The following CNTNAP2 variants were observed in gnomAD, a reference collection of about 807,000 sequenced individuals.
CNTNAP2 encodes contactin associated protein 2.
CNTNAP2 carries 98 observed loss-of-function variants against 155.2 expected under a neutral mutation model. The ratio of observed to expected loss-of-function variants is 0.63; its 90% CI spans 0.54 to 0.75. CNTNAP2 has a LOEUF of 0.75. CNTNAP2 is among the 30% of genes least tolerant of loss of function. CNTNAP2 has a pLI of 0.00. For missense variants in CNTNAP2, 1,727 were observed against 1,688.1 expected, an observed-to-expected ratio of 1.02 and a Z score of -0.40; for synonymous variants, 651 against 631.2, an observed-to-expected ratio of 1.03 and a Z score of -0.47.
chr7:147,294,661 T>G (rs548432047), intron 8 of CNTNAP2, among the ~76,000 whole-genome samples: 1 of 149,370 alleles, frequency 6.7e-6, no homozygotes, highest in East Asian at 2.0e-4. Flanking sequence ...CAAAGACAAT[T>G]TTTTTTTTTG....
At chr7:147,910,939 T>C (rs898680662) in intron 14 of CNTNAP2, among the ~76,000 whole-genome samples, 1 of 152,178 alleles carries the variant, frequency 6.6e-6, no homozygotes, top group Non-Finnish European at 1.5e-5. Flanking sequence ...TCATTTTTTT[T>C]CCAATTTTTA....
chr7:147,913,097 C>T (rs539473224), intron 14 of CNTNAP2, among the ~76,000 whole-genome samples: 1 of 152,166 alleles, frequency 6.6e-6, no homozygotes, highest in East Asian at 1.9e-4. Flanking sequence ...TCAGCAAGCT[C>T]CTCCTTCTAT....
chr7:146,938,374 A>G (rs929996709), intron 3 of CNTNAP2, among the ~76,000 whole-genome samples: 9 of 126,780 alleles, frequency 7.1e-5, no homozygotes, highest in Admixed American at 6.6e-4. Flanking sequence ...ATAATATATA[A>G]GTAGTAGAAG....
At chr7:147,281,875 C>G (rs1445885694) in intron 8 of CNTNAP2, among the ~76,000 whole-genome samples, 1 of 151,714 alleles carries the variant, frequency 6.6e-6, no homozygotes, top group African/African-American at 2.4e-5. Flanking sequence ...GAGACCCTTC[C>G]CTTGACTATG....
chr7:146,974,992 A>G (rs535300092), intron 3 of CNTNAP2, among the ~76,000 whole-genome samples: 31 of 152,258 alleles, frequency 2.0e-4, no homozygotes, highest in African/African-American at 7.0e-4. Context: ...ACAAAGCAAA[A>G]CAAGAATAGA....
intron 12 of CNTNAP2, among the ~76,000 whole-genome samples, chr7:147,583,894 G>A (rs985598554): frequency 6.6e-6 from 1 of 152,004 alleles, no homozygotes; most frequent in Non-Finnish European, 1.5e-5. Flanking sequence ...TGGCCAAGCC[G>A]AGACGGTGGC....
At chr7:146,750,215 T>G (rs1389101425) in intron 1 of CNTNAP2, among the ~76,000 whole-genome samples, 3 of 152,130 alleles carry the variant, frequency 2.0e-5, no homozygotes, top group Non-Finnish European at 4.4e-5. Flanking sequence ...TATTGCTTGA[T>G]CATACAGATT....
At chr7:147,427,034 C>T (rs923484881) in intron 10 of CNTNAP2, among the ~76,000 whole-genome samples, 1 of 151,990 alleles carries the variant, frequency 6.6e-6, no homozygotes, top group African/African-American at 2.4e-5. Context: ...GATGGGAAGT[C>T]CAAAATCGAG....
At chr7:146,477,242 G>T (rs1322458887) in intron 1 of CNTNAP2, among the ~76,000 whole-genome samples, 1 of 152,142 alleles carries the variant, frequency 6.6e-6, no homozygotes, top group Non-Finnish European at 1.5e-5. Flanking sequence ...AAGGACCTCA[G>T]TTGGCACTGT....
intron 14 of CNTNAP2, among the ~76,000 whole-genome samples, chr7:147,948,970 G>A (rs1800871482): frequency 1.3e-5 from 2 of 152,056 alleles, no homozygotes; most frequent in South Asian, 4.1e-4. Flanking sequence ...GGGAGGCTGA[G>A]GCGGGTGGAT....
intron 3 of CNTNAP2, among the ~76,000 whole-genome samples, chr7:146,881,596 G>A (rs927086736): frequency 1.3e-5 from 2 of 151,762 alleles, no homozygotes; most frequent in African/African-American, 2.4e-5. Context: ...AAAAATGGAT[G>A]TTTTCTGAAA....
chr7:147,857,473 A>T (rs944317089), intron 13 of CNTNAP2, among the ~76,000 whole-genome samples: 1 of 152,250 alleles, frequency 6.6e-6, no homozygotes, highest in African/African-American at 2.4e-5. Flanking sequence ...GCTAGTATGA[A>T]TGTGACTCTA....
intron 15 of CNTNAP2, among the ~76,000 whole-genome samples, chr7:147,995,452 C>T (rs1303471139): frequency 6.6e-6 from 1 of 152,084 alleles, no homozygotes; most frequent in African/African-American, 2.4e-5. Flanking sequence ...TTCAACCTCA[C>T]ACCACCCTGC....
At chr7:147,824,980 A>G (rs770389710) in intron 13 of CNTNAP2, among the ~76,000 whole-genome samples, 2 of 152,196 alleles carry the variant, frequency 1.3e-5, no homozygotes, top group African/African-American at 4.8e-5. Flanking sequence ...TGGAAAGGAA[A>G]TGAATTTTAC....
chr7:147,022,499 CAT>C (rs534211145), intron 3 of CNTNAP2, among the ~76,000 whole-genome samples: 3 of 151,732 alleles, frequency 2.0e-5, no homozygotes, highest in African/African-American at 7.3e-5. Context: ...ATTTATAACA[CAT>C]ATATATGTAC....
chr7:147,352,566 C>A lies in CNTNAP2; in HGVS notation c.1499-43043C>A, dbSNP rs545278645. ...AGAAGCTGTTTAGGGACTTCACATACTATATGCAGGAGTAAGTAACTAATT... is the reference window on the plus strand; with the variant it reads ...AGAAGCTGTTTAGGGACTTCACATAATATATGCAGGAGTAAGTAACTAATT... On this transcript the variant is annotated intron_variant, in intron 9 of 23. Coordinates refer to ENST00000361727, the MANE Select transcript of CNTNAP2 (RefSeq NM_014141.6). Among the ~76,000 whole-genome samples the A allele has an allele frequency of 2.0e-5, 3 of 152,064 alleles. No homozygotes were observed. The East Asian group carries it at 5.8e-4, about 29-fold the overall frequency.
intron 1 of CNTNAP2, among the ~76,000 whole-genome samples, chr7:146,208,979 T>C (rs1798993432): frequency 6.6e-6 from 1 of 152,016 alleles, no homozygotes; most frequent in East Asian, 1.9e-4. Context: ...AAGTAACCTA[T>C]ATAATGTAGG....
intron 1 of CNTNAP2, among the ~76,000 whole-genome samples, chr7:146,183,049 C>G (rs1798571930): frequency 6.6e-6 from 1 of 152,106 alleles, no homozygotes; most frequent in African/African-American, 2.4e-5. Flanking sequence ...TCACAGTTAT[C>G]CTATAAATGT....
chr7:146,217,227 G>A (rs1799128865), intron 1 of CNTNAP2, among the ~76,000 whole-genome samples: 1 of 152,054 alleles, frequency 6.6e-6, no homozygotes, highest in African/African-American at 2.4e-5. Context: ...GAACCTTAAC[G>A]CTTTTGTGAT....
Sources: allele counts gnomAD v4.1 joint callset (sites outside exome capture counted in the v4.1 genomes callset), GRCh38; gene constraint gnomAD v4.1.1; transcripts MANE v1.5; gene names NCBI Gene and HGNC (gene_info 2026-07-23, HGNC 2026-07-21).